BIRC6: variants seen among roughly 807,000 people sequenced by gnomAD.
The protein encoded by BIRC6 is baculoviral IAP repeat containing 6.
A neutral mutation model predicts 503.3 loss-of-function variants in BIRC6; 98 were observed. That is an observed-to-expected ratio of 0.19 (90% CI 0.17 to 0.23). The LOEUF (loss-of-function observed/expected upper bound fraction) is 0.23. Ranked by LOEUF, BIRC6 falls within the 10% of genes least tolerant of loss-of-function variation. The probability of loss-of-function intolerance (pLI) is 1.00; values close to 1 mark genes in which losing one functional copy is unlikely to be tolerated. For synonymous variants in BIRC6, 2,240 were observed against 2,078.7 expected (o/e 1.08, Z -2.11); for missense variants, 5,360 against 5,806.0 (o/e 0.92, Z 2.50).
intron 23 of BIRC6, among the ~76,000 whole-genome samples, chr2:32,456,764 CTT>C (rs2047308144): frequency 6.6e-6 from 1 of 152,082 alleles, no homozygotes; most frequent in Non-Finnish European, 1.5e-5. Context: ...AATTCTCTAT[CTT>C]TATTGGTTAT....
At chr2:32,375,933 C>T (rs189585753) in intron 1 of BIRC6, among the ~76,000 whole-genome samples, 13 of 152,154 alleles carry the variant, frequency 8.5e-5, no homozygotes, top group African/African-American at 3.1e-4. Context: ...CGCCTATAAT[C>T]CCGGCTCTTT....
rs1414960774 is a variant in BIRC6, at chr2:32,611,590, A to G, written c.14394+8A>G. The G allele has an allele frequency of 6.4e-7, 1 of 1,554,288 alleles. No homozygotes were observed. Among genetic ancestry groups the G allele is most frequent in the Admixed American group, 1.8e-5 (1 of 55,854 alleles). Reference sequence around the variant, plus strand: ...CATGCAGCAGCTCTCAAGGTGAGTAAGCCTCTCTAACAGGAGCCTTGTTGC... The same window carrying G: ...CATGCAGCAGCTCTCAAGGTGAGTAGGCCTCTCTAACAGGAGCCTTGTTGC... On this transcript the variant is annotated splice_region_variant and intron_variant, in intron 73 of 73. Coordinates refer to ENST00000421745, the MANE Select transcript of BIRC6 (RefSeq NM_016252.4).
chr2:32,566,721 A>T (rs1034577594), intron 65 of BIRC6, among the ~76,000 whole-genome samples: 1 of 152,098 alleles, frequency 6.6e-6, no homozygotes, highest in Non-Finnish European at 1.5e-5. Flanking sequence ...ATACCTGTTT[A>T]TTGAGACTAT....
At position 32,469,492 on chromosome 2, in the gene BIRC6, G is replaced by C. The variant is rs1435718939; in HGVS notation, c.6225G>C (p.Arg2075=). Residue 2075 remains arginine, a synonymous_variant, in exon 30 of 74, where the codon CGG becomes CGC. Coordinates refer to ENST00000421745, the MANE Select transcript of BIRC6 (RefSeq NM_016252.4). The part of the protein sequence containing the change: ...HLCISGTPKI[R]LHTGLLLVQL... ...GCATCAGTGGAACCCCAAAGATACG[G>C]TTACATACTGGTCTTCTTCTTGTTC... 1.2e-6 allele frequency: 2 copies of C among 1,613,864 alleles called. No homozygotes were observed. Among genetic ancestry groups the C allele is most frequent in the Non-Finnish European group, 1.7e-6 (2 of 1,179,816 alleles).
Position 32,357,082 on chromosome 2 carries a change from CG to C in BIRC6, c.-77del. 1.6e-6 allele frequency: 2 copies of C among 1,259,816 alleles called. No homozygotes were observed. Among genetic ancestry groups the C allele is most frequent in the Non-Finnish European group, 2.1e-6 (2 of 957,550 alleles). 78.0% of individuals were successfully genotyped at this position (1,259,816 alleles called of 1,614,324 possible). On this transcript the variant is annotated 5_prime_UTR_variant, in exon 1 of 74. Coordinates refer to ENST00000421745, the MANE Select transcript of BIRC6 (RefSeq NM_016252.4). The surrounding 1 kb of genome is among the most constrained non-coding windows in gnomAD (Gnocchi z 4.9). ...TCCCTCCGAGTTTGGCCCCTCCGGC[CG>C]GGCGATCGACGTTCCGCGTGCGTGC... is the stretch of plus-strand genomic sequence containing the variant.
chr2:32,483,661 A>G (rs910133667), intron 39 of BIRC6, among the ~76,000 whole-genome samples: 2 of 152,208 alleles, frequency 1.3e-5, no homozygotes, highest in Non-Finnish European at 2.9e-5. Context: ...AGTTCCTCAT[A>G]GTTGACCTTC....
chr2:32,574,127 C>G (rs941675024), intron 65 of BIRC6, among the ~76,000 whole-genome samples: 2 of 151,570 alleles, frequency 1.3e-5, no homozygotes, highest in African/African-American at 2.4e-5. Flanking sequence ...GGTACCAACC[C>G]CCACATATTT....
intron 33 of BIRC6, among the ~76,000 whole-genome samples, chr2:32,475,822 A>C (rs1404567643): frequency 6.6e-6 from 1 of 152,148 alleles, no homozygotes; most frequent in Non-Finnish European, 1.5e-5. Context: ...AGACATACCA[A>C]AATGTGTACT....
At chr2:32,609,088 T>A (rs1388586023) in intron 72 of BIRC6, among the ~76,000 whole-genome samples, 1 of 152,104 alleles carries the variant, frequency 6.6e-6, no homozygotes. Flanking sequence ...TTCACCATGT[T>A]GGCCAGGCTG....
At chr2:32,476,027 G>T (rs2049724652) in intron 33 of BIRC6, among the ~76,000 whole-genome samples, 186 bp from the exon 34 acceptor site, 1 of 151,944 alleles carries the variant, frequency 6.6e-6, no homozygotes, top group Non-Finnish European at 1.5e-5. Context: ...AATGAAAACA[G>T]GGAGAGATCT....
chr2:32,579,047 AAT>A (rs546725444), intron 66 of BIRC6, among the ~76,000 whole-genome samples: 3 of 137,640 alleles, frequency 2.2e-5, no homozygotes, highest in Non-Finnish European at 3.1e-5. Flanking sequence ...ATGTATACCT[AAT>A]ATATATATGT....
intron 61 of BIRC6, among the ~76,000 whole-genome samples, chr2:32,533,472 A>G (rs1166893744): frequency 6.6e-6 from 1 of 152,224 alleles, no homozygotes; most frequent in Non-Finnish European, 1.5e-5. Context: ...GTGCTTGTCA[A>G]TTTGTGAAAT....
chr2:32,547,914 G>A lies in BIRC6; in HGVS notation c.12875G>A (p.Gly4292Glu), dbSNP rs754094806. ...TEEQQLYWAK[G>E]TGFGTGSTAS... is the part of the protein sequence containing the mutation. ...GAACAACAGTTATATTGGGCCAAAG[G>A]GACTGGCTTTGGAACAGGCTCTACA... Residue 4292 changes from glycine to glutamate, a missense_variant, in exon 64 of 74, where the codon GGG becomes GAG. Gly to Glu is a moderately conservative substitution (Grantham distance 98). Coordinates refer to ENST00000421745, the MANE Select transcript of BIRC6 (RefSeq NM_016252.4). 6.2e-7 allele frequency: 1 copy of A among 1,613,436 alleles called. No homozygotes were observed. The highest frequency in any genetic ancestry group is 8.5e-7 in the Non-Finnish European group (1 of 1,179,588).
At position 32,513,007 on chromosome 2, in the gene BIRC6, A is replaced by G; in HGVS notation, c.10421A>G (p.Tyr3474Cys). ...AAMKRSGRMN[Y>C]MCPNSSTVEY... is the part of the protein sequence containing the mutation. ...ATGAAGAGAAGTGGCAGGATGAACTACATGTGTCCTAACTCCTCAACAGTA... is the reference window on the plus strand; with the variant it reads ...ATGAAGAGAAGTGGCAGGATGAACTGCATGTGTCCTAACTCCTCAACAGTA... Residue 3474 changes from tyrosine (Y) to cysteine (C), a missense_variant, in exon 54 of 74, where the codon TAC becomes TGC. Physicochemically the swap from Tyr to Cys is radical, Grantham distance 194 (BLOSUM62 -2). Transcript: ENST00000421745. The G allele has an allele frequency of 6.2e-7, 1 of 1,613,944 alleles. No individual in the cohort carries two copies. The highest frequency in any genetic ancestry group is 8.5e-7 in the Non-Finnish European group (1 of 1,179,856).
At chr2:32,485,518 T>C (rs528741322) in intron 39 of BIRC6, 125 bp from the exon 40 acceptor site, 2 of 604,698 alleles carry the variant, frequency 3.3e-6, no homozygotes, top group South Asian at 4.6e-5. Context: ...GCATGTTAGG[T>C]GGCTGTTCTG....
chr2:32,378,838 T>C (rs890040934), intron 2 of BIRC6: 4 of 152,244 alleles, frequency 2.6e-5, no homozygotes, highest in African/African-American at 9.7e-5. Context: ...TTTTCTGTAG[T>C]GTTAAATTTT....
intron 4 of BIRC6, among the ~76,000 whole-genome samples, chr2:32,391,083 A>G (rs1051499500): frequency 1.3e-5 from 2 of 152,208 alleles, no homozygotes; most frequent in African/African-American, 4.8e-5. Context: ...ATCTATGCCT[A>G]TTTTGAGATT....
In BIRC6 at chr2:32,380,054, A is replaced by G. The variant is rs969654727; in HGVS notation, c.508-99A>G. 4.9e-6 allele frequency: 4 copies of G among 816,684 alleles called. No homozygotes were observed. In the African/African-American group the frequency reaches 5.2e-5, roughly 11 times the overall value. 50.6% of individuals were successfully genotyped at this position (816,684 alleles called of 1,614,324 possible). ...GTTTAGTATAGTACCTGTCATAATC[A>G]TTGCATATTAAAATATCTGAAAGAG... On this transcript the variant is annotated intron_variant, in intron 2 of 73. Transcript: ENST00000421745.
intron 10 of BIRC6, among the ~76,000 whole-genome samples, chr2:32,426,197 G>A (rs888332331): frequency 6.6e-6 from 1 of 152,154 alleles, no homozygotes; most frequent in Non-Finnish European, 1.5e-5. Flanking sequence ...TATTTTGGTG[G>A]TTTAATTAAT....
Sources: allele counts gnomAD v4.1 joint callset (sites outside exome capture counted in the v4.1 genomes callset), GRCh38; gene constraint gnomAD v4.1.1; non-coding constraint Gnocchi (gnomAD v3.1); transcripts MANE v1.5; gene names NCBI Gene and HGNC (gene_info 2026-07-23, HGNC 2026-07-21).